The following AMZ1 variants were observed in gnomAD, a reference collection of about 807,000 sequenced individuals.
AMZ1 encodes archaelysin family metallopeptidase 1, also known as archaemetzincin-1.
In AMZ1, 39 loss-of-function variants were observed where a neutral mutation model predicts 29.9. The observed-to-expected ratio is 1.30, with a 90% CI of 1.01 to 1.70. AMZ1 has a LOEUF of 1.70. Among genes scored for constraint, AMZ1 ranks in the 40% most tolerant of loss-of-function variants. The probability of loss-of-function intolerance (pLI) is 0.00; values close to 1 mark genes in which losing one functional copy is unlikely to be tolerated. For missense variants in AMZ1, 1,041 were observed against 680.6 expected (o/e 1.53, Z -5.89); for synonymous variants, 458 against 304.0 (o/e 1.51, Z -5.27).
rs183398605 is a variant in AMZ1, at chr7:2,738,271, T to G, written n.551-26441T>G. Among the ~76,000 whole-genome samples the G allele has an allele frequency of 6.1e-4, 88 of 144,320 alleles. No individual in the cohort carries two copies. In the East Asian group the frequency reaches 0.016, roughly 26 times the overall value. The allele number at this position is 144,320 out of a possible 152,430, so 94.7% of individuals were successfully genotyped here. On this transcript the variant is annotated intron_variant and non_coding_transcript_variant, in intron 4 of 4. Coordinates refer to the AMZ1 transcript ENST00000489665. ...CTGTACTAAAAATACAAAAACAGAG[T>G]GAGGCTCCATCTAAAAAAAAAAAAA...
Position 2,731,664 on chromosome 7 carries a change from G to A in AMZ1, n.550+21848G>A. On this transcript the variant is annotated intron_variant and non_coding_transcript_variant, in intron 4 of 4. Transcript: ENST00000489665. The surrounding 1 kb of genome is among the most constrained non-coding windows in gnomAD (Gnocchi z 6.0). Reference sequence around the variant, plus strand: ...CGCCCACATCCACCATCTTAAAGGGGATCTTCTTAATAACGAAGTCATGCT... The same window carrying A: ...CGCCCACATCCACCATCTTAAAGGGAATCTTCTTAATAACGAAGTCATGCT... 1 of 1,611,406 alleles carries A rather than the reference G, an allele frequency of 6.2e-7. No homozygotes were observed. Among genetic ancestry groups the A allele is most frequent in the South Asian group, 1.1e-5 (1 of 90,936 alleles).
Position 2,731,180 on chromosome 7 carries a change from C to T in AMZ1, n.550+21364C>T. On this transcript the variant is annotated intron_variant and non_coding_transcript_variant, in intron 4 of 4. Transcript: ENST00000489665. This position sits in a 1 kb window ranked among gnomAD's most constrained non-coding sequence, Gnocchi z 6.0. ...GACGACAAACCCCGGGGCTTCCTCG[C>T]TCACTGCAGCATGATGTCCTTCAGG... is the stretch of plus-strand genomic sequence containing the variant. The T allele has an allele frequency of 6.2e-7, 1 of 1,601,674 alleles. No individual in the cohort carries two copies. Among genetic ancestry groups the T allele is most frequent in the Non-Finnish European group, 8.5e-7 (1 of 1,171,740 alleles).
rs1420349931 is a variant in AMZ1, at chr7:2,719,207, CCT to C, written c.*6330_*6331del. 6.6e-6 allele frequency among the ~76,000 whole-genome samples: 1 copy of C among 152,164 alleles called. No homozygotes were observed. Among genetic ancestry groups the C allele is most frequent in the East Asian group, 1.9e-4 (1 of 5,192 alleles). On this transcript the variant is annotated 3_prime_UTR_variant, in exon 7 of 7. Transcript: ENST00000683327. ...TCCTCCGACAGAACGGCAGGTGGCCCCTGTCGGAAGGGGGGTGTCTCTTTATT... is the reference window on the plus strand; with the variant it reads ...TCCTCCGACAGAACGGCAGGTGGCCCGTCGGAAGGGGGGTGTCTCTTTATT...
intron 4 of AMZ1, among the ~76,000 whole-genome samples, chr7:2,742,817 TC>T (rs1486562318): frequency 2.6e-5 from 4 of 152,260 alleles, no homozygotes; most frequent in Non-Finnish European, 4.4e-5. Flanking sequence ...TTTAAACATT[TC>T]CCATTTTATA....
At chr7:2,682,197 C>T (rs1052481440) in intron 1 of AMZ1, among the ~76,000 whole-genome samples, 3 of 152,042 alleles carry the variant, frequency 2.0e-5, no homozygotes, top group Admixed American at 6.5e-5. Context: ...TGTCTGGGAG[C>T]TCGCCCTGCT....
intron 1 of AMZ1, among the ~76,000 whole-genome samples, chr7:2,697,143 C>G (rs924971409): frequency 6.6e-6 from 1 of 152,184 alleles, no homozygotes; most frequent in Non-Finnish European, 1.5e-5. Context: ...TGCTGCAATG[C>G]CCAAGCTGGA....
At chr7:2,708,835 A>G in intron 4 of AMZ1, 119 bp downstream of exon 4, 1 of 1,493,674 alleles carries the variant, frequency 6.7e-7, no homozygotes, top group Non-Finnish European at 9.1e-7. Context: ...GGAAGTCAAC[A>G]CCTGTGCATG....
At chr7:2,708,767 TGTGGCCTCC>T (rs777210508) in intron 4 of AMZ1, 51 bp downstream of exon 4, 4 of 1,608,744 alleles carry the variant, frequency 2.5e-6, no homozygotes, top group East Asian at 2.2e-5. Context: ...GGCATGGGGC[TGTGGCCTCC>T]GTGGCTGCAG....
At chr7:2,689,372 G>T (rs1044491746) in intron 1 of AMZ1, among the ~76,000 whole-genome samples, 1 of 151,778 alleles carries the variant, frequency 6.6e-6, no homozygotes, top group African/African-American at 2.4e-5. Flanking sequence ...AACCTCCCTG[G>T]GGGGGGGATG....
intron 4 of AMZ1, among the ~76,000 whole-genome samples, chr7:2,742,604 T>C (rs1014106824): frequency 1.3e-5 from 2 of 152,226 alleles, no homozygotes; most frequent in African/African-American, 2.4e-5. Context: ...CGCCGGCCCT[T>C]TGCGTTTCCA....
At chr7:2,724,831 G>C (rs1789556664) in intron 4 of AMZ1, among the ~76,000 whole-genome samples, 1 of 152,182 alleles carries the variant, frequency 6.6e-6, no homozygotes, top group Admixed American at 6.5e-5. Context: ...GGGCGCGTGA[G>C]AGTCTCACAA....
At chr7:2,723,452 A>C (rs1176274396), downstream of AMZ1, among the ~76,000 whole-genome samples, 1 of 152,236 alleles carries the variant, frequency 6.6e-6, no homozygotes, top group Non-Finnish European at 1.5e-5. Flanking sequence ...TCCTCGGCCT[A>C]GTTTGTACTG....
rs1049807404 is a variant in AMZ1, at chr7:2,714,811, T to G, written c.*1933T>G. ...CTCTCCATGGAGGAGGGGCATCTTC[T>G]TAGGAAGGCAGCTGCCATACCGTGA... is the stretch of plus-strand genomic sequence containing the variant. On this transcript the variant is annotated 3_prime_UTR_variant, in exon 7 of 7. Transcript: ENST00000683327. 1 of 152,272 alleles carries G rather than the reference T, an allele frequency of 6.6e-6. No individual in the cohort carries two copies. The highest frequency in any genetic ancestry group is 1.5e-5 in the Non-Finnish European group (1 of 68,012). 9.4% of individuals were successfully genotyped at this position (152,272 alleles called of 1,614,324 possible).
At chr7:2,692,846 C>G (rs1233039452) in intron 1 of AMZ1, among the ~76,000 whole-genome samples, 1 of 152,212 alleles carries the variant, frequency 6.6e-6, no homozygotes, top group African/African-American at 2.4e-5. Context: ...CCATCTTCCC[C>G]CAATCTCGTC....
At position 2,712,639 on chromosome 7, in the gene AMZ1, C is replaced by T. The variant is rs751923707; in HGVS notation, c.1258C>T (p.Arg420Trp). 45 of 1,612,876 alleles carry T rather than the reference C, an allele frequency of 2.8e-5. No homozygotes were observed. Among genetic ancestry groups the T allele is most frequent in the Admixed American group, 1.5e-4 (9 of 59,972 alleles). Residue 420 changes from arginine to tryptophan, a missense_variant, in exon 7 of 7, where the codon CGG (arginine) becomes TGG (tryptophan). By Grantham distance (101) the Arg-to-Trp change is moderately radical. Transcript: ENST00000683327. ...GGCCATGTGCATCCAGGCCCTGCAG[C>T]GGGAAGTGGCAGAGGAGGACCTGGT... ...WLAMCIQALQ[R>W]EVAEEDLVQV...
Position 2,700,379 on chromosome 7 carries a change from C to G in AMZ1, c.-73C>G. The G allele has an allele frequency of 1.3e-6, 2 of 1,515,446 alleles. No individual in the cohort carries two copies. Among genetic ancestry groups the G allele is most frequent in the South Asian group, 2.5e-5 (2 of 81,138 alleles). The allele number at this position is 1,515,446 out of a possible 1,614,324, so 93.9% of individuals were successfully genotyped here. A position where few individuals can be genotyped will look rare whatever the true frequency, so the allele number is the denominator to read the frequency against. On this transcript the variant is annotated 5_prime_UTR_variant, in exon 2 of 7. Transcript: ENST00000683327. ...CCCGAGGGAAGATTCTGGACGAGACCGTGGCCGTCCCCCGGGTGGCCCATG... is the reference window on the plus strand; with the variant it reads ...CCCGAGGGAAGATTCTGGACGAGACGGTGGCCGTCCCCCGGGTGGCCCATG...
chr7:2,693,290 G>A (rs1787515283), intron 1 of AMZ1, among the ~76,000 whole-genome samples: 1 of 152,086 alleles, frequency 6.6e-6, no homozygotes, highest in Non-Finnish European at 1.5e-5. Context: ...GTTTCTCCAT[G>A]TTGGTCAGGC....
At chr7:2,692,639 C>T (rs569410333) in intron 1 of AMZ1, among the ~76,000 whole-genome samples, 59 of 152,236 alleles carry the variant, frequency 3.9e-4, no homozygotes, top group African/African-American at 1.3e-3. Context: ...GCGCCTCTTC[C>T]GTAGCGAGGT....
chr7:2,723,233 C>A (rs1481549925), downstream of AMZ1, among the ~76,000 whole-genome samples: 1 of 152,198 alleles, frequency 6.6e-6, no homozygotes, highest in Non-Finnish European at 1.5e-5. Context: ...GCTGCAGACG[C>A]GTGCTCAGCA....
Sources: allele counts gnomAD v4.1 joint callset (sites outside exome capture counted in the v4.1 genomes callset), GRCh38; gene constraint gnomAD v4.1.1; non-coding constraint Gnocchi (gnomAD v3.1); transcripts MANE v1.5; gene names NCBI Gene and HGNC (gene_info 2026-07-23, HGNC 2026-07-21).